SYNJ1: variants seen among roughly 807,000 people sequenced by gnomAD.
SYNJ1 encodes polyphosphatidylinositol phosphatase SYNJ1.
Under a neutral mutation model 168.2 loss-of-function variants are expected in SYNJ1, and 78 were observed. The observed-to-expected ratio is 0.46, with a 90% CI of 0.39 to 0.56. The LOEUF is 0.56. Among genes scored for constraint, SYNJ1 ranks in the 20% least tolerant of loss-of-function variants. The probability of loss-of-function intolerance (pLI) is 0.00; values close to 1 mark genes in which losing one functional copy is unlikely to be tolerated. For synonymous variants in SYNJ1, 539 were observed against 548.6 expected, an observed-to-expected ratio of 0.98 and a Z score of 0.24; for missense variants, 1,303 against 1,597.6, an observed-to-expected ratio of 0.82 and a Z score of 3.14.
intron 10 of SYNJ1, among the ~76,000 whole-genome samples, chr21:32,682,976 A>C (rs1026002906): frequency 1.3e-5 from 2 of 152,148 alleles, no homozygotes; most frequent in Non-Finnish European, 2.9e-5. Context: ...TACTCAAAAA[A>C]TCCAAACAGT....
rs747274485 is a variant in SYNJ1 at position 32,684,071 on chromosome 21, T to C, written c.1167A>G (p.Arg389=). 3.1e-6 allele frequency: 5 copies of C among 1,613,714 alleles called. No individual in the cohort carries two copies. In the East Asian group the frequency reaches 1.1e-4, roughly 36 times the overall value. Residue 389 remains arginine (R), a synonymous_variant, in exon 10 of 33, where the codon AGA becomes AGG. Coordinates refer to ENST00000674351, the MANE Select transcript of SYNJ1 (RefSeq NM_203446.3). ...CAAGAAATGCCTGCACACTATTTGT[T>C]CTATCAAGACAATCCAAGCAGTTTG... is the stretch of plus-strand genomic sequence containing the variant. ...VRTNCLDCLD[R]TNSVQAFLGL... is the part of the protein sequence containing the mutation.
rs367591704 is a variant in SYNJ1, at chr21:32,631,101, G to C, written c.*704C>G. 7 of 1,614,092 alleles carry C rather than the reference G, an allele frequency of 4.3e-6. No individual in the cohort carries two copies. In the African/African-American group the frequency reaches 9.3e-5, roughly 22 times the overall value. ...CGGGAGCAGAGGGACAGGAGGTGGA[G>C]GAGGTCTTCTTGACGGCAACACACA... On this transcript the variant is annotated 3_prime_UTR_variant, in exon 33 of 33. Coordinates refer to ENST00000674351, the MANE Select transcript of SYNJ1 (RefSeq NM_203446.3).
At chr21:32,714,255 G>A (rs1158172623) in intron 2 of SYNJ1, among the ~76,000 whole-genome samples, 1 of 152,194 alleles carries the variant, frequency 6.6e-6, no homozygotes, top group Non-Finnish European at 1.5e-5. Context: ...ACAGGTTGAA[G>A]AGGGAAGCAG....
chr21:32,714,426 G>A (rs1487495055), intron 2 of SYNJ1, among the ~76,000 whole-genome samples: 1 of 152,092 alleles, frequency 6.6e-6, no homozygotes, highest in Non-Finnish European at 1.5e-5. Context: ...AGTTAAGGAG[G>A]GAATTGTAAT....
chr21:32,630,889 T>C lies in SYNJ1; in HGVS notation c.*916A>G. On this transcript the variant is annotated 3_prime_UTR_variant, in exon 33 of 33. Transcript: ENST00000674351. Reference sequence around the variant, plus strand: ...CAAATAGTGGTGTTTTGTGAAGATATCAGTGCACTTACAATGACTTATTGC... The same window carrying C: ...CAAATAGTGGTGTTTTGTGAAGATACCAGTGCACTTACAATGACTTATTGC... The C allele has an allele frequency of 9.4e-7, 1 of 1,069,030 alleles. No individual in the cohort carries two copies. The highest frequency in any genetic ancestry group is 1.3e-6 in the Non-Finnish European group (1 of 748,472). 66.2% of individuals were successfully genotyped at this position (1,069,030 alleles called of 1,614,324 possible).
intron 26 of SYNJ1, among the ~76,000 whole-genome samples, chr21:32,644,398 G>A (rs923018361): frequency 1.3e-4 from 20 of 152,244 alleles, no homozygotes; most frequent in African/African-American, 4.6e-4. Flanking sequence ...CACATGCACA[G>A]TGAGCCTTAG....
intron 2 of SYNJ1, 124 bp downstream of exon 2, chr21:32,726,648 C>T: frequency 7.9e-7 from 1 of 1,269,332 alleles, no homozygotes; most frequent in Non-Finnish European, 1.1e-6. Context: ...GAAATACAAG[C>T]ATAATCTGCT....
At chr21:32,717,367 C>A (rs1337337739) in intron 2 of SYNJ1, among the ~76,000 whole-genome samples, 1 of 152,166 alleles carries the variant, frequency 6.6e-6, no homozygotes, top group East Asian at 1.9e-4. Flanking sequence ...TCTATTACAG[C>A]ATCTGTTTCT....
chr21:32,670,773 C>G (rs1156792156), intron 14 of SYNJ1: 1 of 983,104 alleles, frequency 1.0e-6, no homozygotes, highest in Non-Finnish European at 1.2e-6. Flanking sequence ...TTGCTGGTAA[C>G]AGTTGGGAGG....
intron 6 of SYNJ1, among the ~76,000 whole-genome samples, chr21:32,689,263 G>T (rs1364508049): frequency 6.6e-6 from 1 of 152,168 alleles, no homozygotes; most frequent in Non-Finnish European, 1.5e-5. Context: ...GGGCAAAAAA[G>T]TTGCCCAAAA....
intron 1 of SYNJ1, 37 bp downstream of exon 1, chr21:32,727,909 G>C (rs1413549148): frequency 6.5e-7 from 1 of 1,531,148 alleles, no homozygotes; most frequent in Admixed American, 2.0e-5. Flanking sequence ...CGTGGGTCTG[G>C]CCGCAGCAGC....
intron 4 of SYNJ1, among the ~76,000 whole-genome samples, chr21:32,695,680 T>TTTC (rs2042180173): frequency 6.6e-6 from 1 of 150,702 alleles, no homozygotes; most frequent in African/African-American, 2.4e-5. Context: ...TATTTATTTT[T>TTTC]GAGATGGAGT....
intron 32 of SYNJ1, among the ~76,000 whole-genome samples, 163 bp downstream of exon 32, chr21:32,634,698 C>G (rs2039484667): frequency 6.6e-6 from 1 of 151,900 alleles, no homozygotes. Context: ...ATCCAAAATA[C>G]TAAGAAAAAG....
chr21:32,648,511 C>G (rs1280792924), intron 23 of SYNJ1, among the ~76,000 whole-genome samples: 6 of 152,208 alleles, frequency 3.9e-5, no homozygotes, highest in Admixed American at 6.5e-5. Flanking sequence ...CCATGCTCCA[C>G]TTTCTTTCCT....
intron 8 of SYNJ1, 55 bp downstream of exon 8, chr21:32,686,923 A>T: frequency 1.7e-6 from 2 of 1,153,926 alleles, no homozygotes; most frequent in Non-Finnish European, 2.5e-6. Context: ...TTTATTTTTT[A>T]ATACCATTCT....
At chr21:32,712,549 G>GA (rs147530419) in intron 2 of SYNJ1, among the ~76,000 whole-genome samples, 3,846 of 144,060 alleles carry the variant, frequency 0.027, 62 homozygotes, top group Non-Finnish European at 0.038. Flanking sequence ...GACATTTAAG[G>GA]AAAAAAAAAA....
chr21:32,720,782 C>G (rs549280626), intron 2 of SYNJ1, among the ~76,000 whole-genome samples: 2 of 152,234 alleles, frequency 1.3e-5, no homozygotes, highest in Non-Finnish European at 2.9e-5. Flanking sequence ...CCATCTTTTA[C>G]GTAGAGGTCC....
intron 23 of SYNJ1, among the ~76,000 whole-genome samples, 195 bp from the exon 24 acceptor site, chr21:32,646,797 G>C (rs566217415): frequency 2.0e-5 from 3 of 152,254 alleles, no homozygotes; most frequent in African/African-American, 7.2e-5. Context: ...AGATGTAAAG[G>C]TATCTATTGT....
intron 24 of SYNJ1, 59 bp downstream of exon 24, chr21:32,646,334 C>G: frequency 1.9e-6 from 3 of 1,539,362 alleles, no homozygotes; most frequent in Middle Eastern, 2.1e-4. Flanking sequence ...CGATGACTCT[C>G]CAACATCAAG....
Sources: allele counts gnomAD v4.1 joint callset (sites outside exome capture counted in the v4.1 genomes callset), GRCh38; gene constraint gnomAD v4.1.1; transcripts MANE v1.5; gene names NCBI Gene and HGNC (gene_info 2026-07-23, HGNC 2026-07-21).